ADAM12: variants seen among roughly 807,000 people sequenced by gnomAD.
ADAM12 encodes disintegrin and metalloproteinase domain-containing protein 12.
Under a neutral mutation model 106.4 loss-of-function variants are expected in ADAM12, and 70 were observed. The observed-to-expected ratio is 0.66, with a 90% CI of 0.54 to 0.80. The LOEUF (loss-of-function observed/expected upper bound fraction) is 0.80, where lower values mean the gene tolerates loss of function less well. ADAM12 is among the 30% of genes least tolerant of loss of function. The pLI, the probability that ADAM12 is intolerant of heterozygous loss-of-function variation, is 0.00. For synonymous variants in ADAM12, 420 were observed against 433.5 expected, an observed-to-expected ratio of 0.97 and a Z score of 0.39; for missense variants, 1,010 against 1,171.9, an observed-to-expected ratio of 0.86 and a Z score of 2.02.
At chr10:126,136,929 G>A (rs985552237) in intron 4 of ADAM12, among the ~76,000 whole-genome samples, 7 of 152,056 alleles carry the variant, frequency 4.6e-5, no homozygotes, top group Non-Finnish European at 8.8e-5. Context: ...CTTTGCTTAT[G>A]GTATTTTTTG....
chr10:126,297,662 T>A (rs1960444192), intron 2 of ADAM12, among the ~76,000 whole-genome samples: 1 of 152,182 alleles, frequency 6.6e-6, no homozygotes, highest in South Asian at 2.1e-4. Flanking sequence ...ACAGTTTGAG[T>A]CATTTAGACC....
chr10:126,212,222 A>C (rs568602402), intron 3 of ADAM12, among the ~76,000 whole-genome samples: 1 of 152,204 alleles, frequency 6.6e-6, no homozygotes, highest in African/African-American at 2.4e-5. Context: ...AAACTCCAAA[A>C]AAAGTTTCAT....
intron 11 of ADAM12, among the ~76,000 whole-genome samples, chr10:126,073,039 T>C (rs553166919): frequency 3.3e-5 from 5 of 152,298 alleles, no homozygotes; most frequent in South Asian, 2.1e-4. Context: ...TTCCCTTTTC[T>C]TCCCCAAGTA....
At chr10:126,217,397 C>T (rs144543970) in intron 3 of ADAM12, among the ~76,000 whole-genome samples, 10,632 of 148,210 alleles carry the variant, frequency 0.072, 687 homozygotes, top group East Asian at 0.17. Flanking sequence ...AACGGAGTTT[C>T]GCTCTTGTTG....
chr10:126,284,441 G>A (rs1959748680), intron 2 of ADAM12, among the ~76,000 whole-genome samples: 1 of 151,272 alleles, frequency 6.6e-6, no homozygotes, highest in Admixed American at 6.6e-5. Context: ...GTCTGTCCAT[G>A]CACTAATGCC....
chr10:126,168,532 G>T (rs1055274022), intron 3 of ADAM12, among the ~76,000 whole-genome samples: 1 of 152,064 alleles, frequency 6.6e-6, no homozygotes, highest in Non-Finnish European at 1.5e-5. Context: ...TAATAAGTCC[G>T]CTGGCTTCCA....
At chr10:126,217,711 G>T (rs1266481131) in intron 3 of ADAM12, among the ~76,000 whole-genome samples, 1 of 133,628 alleles carries the variant, frequency 7.5e-6, no homozygotes, top group African/African-American at 2.7e-5. Context: ...GGTGGCTCAC[G>T]CCTGTAATCC....
At chr10:126,318,704 A>G (rs1853983181) in intron 2 of ADAM12, among the ~76,000 whole-genome samples, 1 of 152,230 alleles carries the variant, frequency 6.6e-6, no homozygotes, top group South Asian at 2.1e-4. Context: ...AAAATAAATA[A>G]GAGTATTGGA....
rs1330724629 is a variant in ADAM12 at position 126,380,240 on chromosome 10, T to G, written c.88+7818A>C. On this transcript the variant is annotated intron_variant, in intron 1 of 22. Transcript: ENST00000448723. ...AATGGGCTGGAGAAAGTATGAAGAT[T>G]GAAATGGCAGCCTGTGAGAAAGTGT... Among the ~76,000 whole-genome samples the G allele has an allele frequency of 2.0e-5, 3 of 152,220 alleles. No homozygotes were observed. In the East Asian group the frequency reaches 5.8e-4, roughly 29 times the overall value.
At chr10:126,360,821 G>T (rs1855717195) in intron 1 of ADAM12, among the ~76,000 whole-genome samples, 1 of 152,146 alleles carries the variant, frequency 6.6e-6, no homozygotes, top group African/African-American at 2.4e-5. Flanking sequence ...CCAATTTACT[G>T]TATTAGTTTG....
chr10:126,043,280 G>A lies in ADAM12; in HGVS notation c.1996-132C>T. 1.2e-6 allele frequency: 1 copy of A among 832,550 alleles called. No homozygotes were observed. 51.6% of individuals were successfully genotyped at this position (832,550 alleles called of 1,614,324 possible). ...AGCCAGACTCAGCACACGCCATGGTGCGAATAAGCCCAAAGCCGGCACTAC... is the reference window on the plus strand; with the variant it reads ...AGCCAGACTCAGCACACGCCATGGTACGAATAAGCCCAAAGCCGGCACTAC... On this transcript the variant is annotated intron_variant, in intron 17 of 22. Transcript: ENST00000448723. The surrounding 1 kb of genome is among the most constrained non-coding windows in gnomAD (Gnocchi z 4.1).
chr10:126,069,515 A>G (rs959618889), intron 12 of ADAM12, among the ~76,000 whole-genome samples: 3 of 152,258 alleles, frequency 2.0e-5, no homozygotes, highest in African/African-American at 7.2e-5. Flanking sequence ...GCAACATGCC[A>G]CCTGGCGAGA....
intron 2 of ADAM12, among the ~76,000 whole-genome samples, chr10:126,312,000 G>T (rs139461215): frequency 6.6e-6 from 1 of 152,030 alleles, no homozygotes; most frequent in African/African-American, 2.4e-5. Flanking sequence ...TGCAATTGGC[G>T]TCTGAAGTGG....
At chr10:126,204,298 T>C (rs1400540207) in intron 3 of ADAM12, among the ~76,000 whole-genome samples, 3 of 152,198 alleles carry the variant, frequency 2.0e-5, no homozygotes, top group Non-Finnish European at 4.4e-5. Context: ...TTAGACATTG[T>C]TGGGTGAAGA....
chr10:126,278,204 GCT>G (rs1959368905), intron 3 of ADAM12, among the ~76,000 whole-genome samples: 1 of 152,174 alleles, frequency 6.6e-6, no homozygotes, highest in Non-Finnish European at 1.5e-5. Context: ...GAACTAATAA[GCT>G]CTTCTTTTAT....
chr10:126,262,872 A>G (rs1199198860), intron 3 of ADAM12, among the ~76,000 whole-genome samples: 1 of 152,178 alleles, frequency 6.6e-6, no homozygotes, highest in African/African-American at 2.4e-5. Flanking sequence ...GGGGTACTCC[A>G]TGCTGGCTTC....
At chr10:126,342,628 C>T (rs1854968841) in intron 1 of ADAM12, among the ~76,000 whole-genome samples, 1 of 152,146 alleles carries the variant, frequency 6.6e-6, no homozygotes, top group Non-Finnish European at 1.5e-5. Context: ...CTCAACAATA[C>T]CCATCTTGAT....
chr10:126,108,766 C>T, intron 7 of ADAM12, 102 bp from the exon 8 acceptor site: 1 of 1,037,884 alleles, frequency 9.6e-7, no homozygotes. Flanking sequence ...TTACAAACCA[C>T]TGGGGACCCT....
chr10:126,217,592 C>A (rs192927902), intron 3 of ADAM12, among the ~76,000 whole-genome samples: 3,742 of 150,578 alleles, frequency 0.025, 159 homozygotes, highest in African/African-American at 0.086. Context: ...GTCTCGAACT[C>A]CTGACCTCAG....
Sources: gnomAD v4.1 joint callset for allele counts (sites outside exome capture counted in the v4.1 genomes callset) on GRCh38, gnomAD v4.1.1 for gene constraint, Gnocchi (gnomAD v3.1) non-coding constraint, MANE v1.5 for transcripts, NCBI Gene and HGNC (gene_info 2026-07-23, HGNC 2026-07-21) for gene names.